The following DNM3 variants were observed in gnomAD, a reference collection of about 807,000 sequenced individuals.
DNM3 encodes the protein dynamin 3.
In DNM3, 47 loss-of-function variants were observed where a neutral mutation model predicts 101.6. The observed-to-expected ratio is 0.46, with a 90% CI of 0.37 to 0.59. DNM3 has a LOEUF of 0.59. DNM3 is among the 20% of genes least tolerant of loss of function. The pLI is 0.00. For missense variants in DNM3, 849 were observed against 1,085.7 expected (o/e 0.78, Z 3.06); for synonymous variants, 385 against 387.9 (o/e 0.99, Z 0.09).
chr1:171,907,678 A>G (rs1227135174), intron 1 of DNM3, among the ~76,000 whole-genome samples: 1 of 152,146 alleles, frequency 6.6e-6, no homozygotes, highest in Non-Finnish European at 1.5e-5. Flanking sequence ...CTAGCATGCC[A>G]GGCACATGTC....
At chr1:171,917,795 G>T (rs2039835456) in intron 1 of DNM3, among the ~76,000 whole-genome samples, 1 of 152,098 alleles carries the variant, frequency 6.6e-6, no homozygotes, top group Admixed American at 6.5e-5. Flanking sequence ...AAAATATGTA[G>T]TCTAAATCCA....
chr1:172,390,730 T>C (rs1435816062), intron 20 of DNM3, among the ~76,000 whole-genome samples: 2 of 152,202 alleles, frequency 1.3e-5, no homozygotes, highest in African/African-American at 4.8e-5. Flanking sequence ...AAACCTCAAA[T>C]TGACTAGGAA....
At chr1:172,320,198 C>A (rs1357671090) in intron 16 of DNM3, among the ~76,000 whole-genome samples, 1 of 140,568 alleles carries the variant, frequency 7.1e-6, no homozygotes, top group Non-Finnish European at 1.5e-5. Context: ...CACATGGACA[C>A]AGGAAGGGGA....
chr1:172,398,247 C>T (rs373172007), intron 20 of DNM3, among the ~76,000 whole-genome samples: 1 of 152,116 alleles, frequency 6.6e-6, no homozygotes. Context: ...TTCTGATTTC[C>T]CTTGTTTCTC....
intron 11 of DNM3, 92 bp downstream of exon 11, chr1:172,068,997 CGCTT>C: frequency 1.9e-6 from 2 of 1,070,522 alleles, no homozygotes; most frequent in Non-Finnish European, 1.4e-6. Context: ...GTCAGCCTGT[CGCTT>C]AAAGGAAAAA....
chr1:172,323,310 C>T lies in DNM3; in HGVS notation c.1882-19C>T, dbSNP rs755108317. ...GTTTAACATATTTCTCTTTCTTTTC[C>T]TTGCGGCTACATGCATAGGGGAACA... On this transcript the variant is annotated intron_variant, in intron 16 of 20. Transcript: ENST00000627582. 17 of 1,593,198 alleles carry T rather than the reference C, an allele frequency of 1.1e-5. No individual in the cohort carries two copies. Among genetic ancestry groups the T allele is most frequent in the Middle Eastern group, 1.7e-4 (1 of 6,044 alleles).
intron 16 of DNM3, among the ~76,000 whole-genome samples, chr1:172,313,762 CAT>C (rs574137054): frequency 2.5e-3 from 373 of 148,938 alleles, no homozygotes; most frequent in Admixed American, 3.9e-3. Context: ...TTCAATGTCT[CAT>C]AGCATTTATT....
intron 14 of DNM3, among the ~76,000 whole-genome samples, chr1:172,167,049 C>T (rs2058772159): frequency 6.6e-6 from 1 of 151,962 alleles, no homozygotes; most frequent in African/African-American, 2.4e-5. Context: ...AGGTATATCT[C>T]CTAATGCTAT....
intron 16 of DNM3, among the ~76,000 whole-genome samples, chr1:172,319,111 A>G (rs1185468364): frequency 1.3e-5 from 2 of 152,330 alleles, no homozygotes; most frequent in African/African-American, 2.4e-5. Flanking sequence ...GATCTTTGAC[A>G]AACCTGAGAA....
intron 14 of DNM3, among the ~76,000 whole-genome samples, chr1:172,189,229 T>C (rs2059622459): frequency 6.6e-6 from 1 of 152,056 alleles, no homozygotes; most frequent in African/African-American, 2.4e-5. Flanking sequence ...TGCCTAGTTT[T>C]TCACCAATAC....
intron 15 of DNM3, among the ~76,000 whole-genome samples, chr1:172,285,059 G>C (rs1311170177): frequency 2.6e-5 from 4 of 152,078 alleles, no homozygotes; most frequent in African/African-American, 9.7e-5. Flanking sequence ...AGTCTTAAAG[G>C]GATGAAGGGC....
chr1:172,041,896 T>G, intron 7 of DNM3, 113 bp from the exon 8 acceptor site: 1 of 1,179,528 alleles, frequency 8.5e-7, no homozygotes, highest in Non-Finnish European at 1.2e-6. Flanking sequence ...TGCCAGTAGG[T>G]GCCACTAAGA....
intron 2 of DNM3, among the ~76,000 whole-genome samples, chr1:171,925,679 T>C (rs12137824): frequency 0.15 from 23,057 of 152,166 alleles, 2,287 homozygotes; most frequent in South Asian, 0.26. Context: ...TGTTGGTAGT[T>C]TCTTTTGCAG....
Position 171,926,079 on chromosome 1 carries a change from G to A in DNM3, c.235+4258G>A, listed in dbSNP as rs529366563. Among the ~76,000 whole-genome samples the A allele has an allele frequency of 6.6e-5, 10 of 152,262 alleles. No homozygotes were observed. The South Asian group carries it at 2.1e-3, about 32-fold the overall frequency. ...GATCTATGTGTCTATTTTCATACAAGTACCATGCTGTTTTGGTTACTATAG... is the reference window on the plus strand; with the variant it reads ...GATCTATGTGTCTATTTTCATACAAATACCATGCTGTTTTGGTTACTATAG... On this transcript the variant is annotated intron_variant, in intron 2 of 20. Coordinates refer to ENST00000627582, the MANE Select transcript of DNM3 (RefSeq NM_015569.5).
chr1:172,372,697 T>G (rs79459932), intron 17 of DNM3, among the ~76,000 whole-genome samples: 1 of 146,484 alleles, frequency 6.8e-6, no homozygotes, highest in East Asian at 2.0e-4. Context: ...TTTTTTTTTT[T>G]TTTGGAAAGA....
chr1:172,223,098 C>G (rs542813660), intron 14 of DNM3, among the ~76,000 whole-genome samples: 6 of 152,028 alleles, frequency 3.9e-5, no homozygotes, highest in Admixed American at 1.3e-4. Context: ...TCAAAATCCT[C>G]TAACTATTTT....
chr1:172,340,032 AGAGTG>A (rs1316896155), intron 17 of DNM3, among the ~76,000 whole-genome samples: 1 of 152,184 alleles, frequency 6.6e-6, no homozygotes, highest in East Asian at 1.9e-4. Flanking sequence ...ATGAAAGGTC[AGAGTG>A]GTGTTTTAGA....
chr1:171,949,873 T>G (rs527834717), intron 2 of DNM3, among the ~76,000 whole-genome samples: 4 of 152,160 alleles, frequency 2.6e-5, no homozygotes, highest in Non-Finnish European at 4.4e-5. Flanking sequence ...GTTTTGCACT[T>G]TCTCAAAAAG....
chr1:171,867,819 T>C (rs2125070776), intron 1 of DNM3, among the ~76,000 whole-genome samples: 2 of 152,306 alleles, frequency 1.3e-5, no homozygotes, highest in South Asian at 4.1e-4. Flanking sequence ...GGTTCTGTAT[T>C]TACCATAACC....
Sources: allele counts gnomAD v4.1 joint callset (sites outside exome capture counted in the v4.1 genomes callset), GRCh38; gene constraint gnomAD v4.1.1; transcripts MANE v1.5; gene names NCBI Gene and HGNC (gene_info 2026-07-23, HGNC 2026-07-21).